Variants in TMPRSS11F observed in about 807,000 individuals in gnomAD.
The protein encoded by TMPRSS11F is transmembrane protease serine 11F.
Under a neutral mutation model 60.2 loss-of-function variants are expected in TMPRSS11F, and 47 were observed. The ratio of observed to expected loss-of-function variants is 0.78; its 90% CI spans 0.62 to 1.00. The LOEUF (loss-of-function observed/expected upper bound fraction) is 1.00, where lower values mean the gene tolerates loss of function less well. Among genes scored for constraint, TMPRSS11F ranks in the 50% least tolerant of loss-of-function variants. The pLI, the probability that TMPRSS11F is intolerant of heterozygous loss-of-function variation, is 0.00. For synonymous variants in TMPRSS11F, 166 were observed against 167.3 expected (o/e 0.99, Z 0.06); for missense variants, 519 against 522.9 (o/e 0.99, Z 0.07).
At chr4:68,062,087 A>G in intron 8 of TMPRSS11F, 1 of 450,952 alleles carries the variant, frequency 2.2e-6, no homozygotes, top group Non-Finnish European at 4.4e-6. Context: ...ATAGGGTTGG[A>G]GGACTACTTT....
chr4:68,104,964 T>C (rs1453940754), intron 1 of TMPRSS11F, among the ~76,000 whole-genome samples: 2 of 151,390 alleles, frequency 1.3e-5, no homozygotes, highest in Non-Finnish European at 2.9e-5. Context: ...TGTAGGTTTT[T>C]TTTTTTTCCT....
At chr4:68,054,588 C>T (rs575096335) in intron 9 of TMPRSS11F, among the ~76,000 whole-genome samples, 1 of 152,138 alleles carries the variant, frequency 6.6e-6, no homozygotes, top group South Asian at 2.1e-4. Context: ...AGTAAATAAA[C>T]AAATAAACAT....
chr4:68,074,868 G>A (rs1360823077), intron 3 of TMPRSS11F, among the ~76,000 whole-genome samples: 1 of 152,128 alleles, frequency 6.6e-6, no homozygotes, highest in Non-Finnish European at 1.5e-5. Flanking sequence ...AGGCCAAGGT[G>A]GATAGATTGC....
chr4:68,089,072 G>C (rs984154829), intron 3 of TMPRSS11F, among the ~76,000 whole-genome samples: 2 of 151,732 alleles, frequency 1.3e-5, no homozygotes, highest in Non-Finnish European at 2.9e-5. Context: ...AACTTACACG[G>C]AACCAAAAAA....
At chr4:68,120,024 CA>C (rs1724594335) in intron 1 of TMPRSS11F, among the ~76,000 whole-genome samples, 1 of 151,984 alleles carries the variant, frequency 6.6e-6, no homozygotes. Context: ...TTGAGGGGTT[CA>C]AAACTTTAGT....
At chr4:68,083,039 C>G (rs1019579058) in intron 3 of TMPRSS11F, among the ~76,000 whole-genome samples, 1 of 152,186 alleles carries the variant, frequency 6.6e-6, no homozygotes, top group Non-Finnish European at 1.5e-5. Context: ...CCACAGCTAT[C>G]TGATGGGCAA....
chr4:68,110,016 T>C (rs2109880049), intron 1 of TMPRSS11F, among the ~76,000 whole-genome samples: 1 of 152,324 alleles, frequency 6.6e-6, no homozygotes, highest in Admixed American at 6.5e-5. Flanking sequence ...AGCAGTAGCC[T>C]TGGGGGGAAA....
rs540825185 is a variant in TMPRSS11F at position 68,090,389 on chromosome 4, A to G, written c.282+134T>C. On this transcript the variant is annotated intron_variant, in intron 3 of 9. Coordinates refer to ENST00000356291, the MANE Select transcript of TMPRSS11F (RefSeq NM_207407.2). ...CATATTAAGTAATTTAATCCTCACA[A>G]CTGTATGACTTACATACTATAGTAT... The G allele has an allele frequency of 2.0e-3, 2,698 of 1,325,788 alleles. 6 individuals are homozygous for G. The highest frequency in any genetic ancestry group is 7.6e-3 in the Middle Eastern group (26 of 3,442). 82.1% of individuals were successfully genotyped at this position (1,325,788 alleles called of 1,614,324 possible).
At chr4:68,077,249 G>C (rs977768576) in intron 3 of TMPRSS11F, 14 of 152,260 alleles carry the variant, frequency 9.2e-5, no homozygotes, top group African/African-American at 3.4e-4. Context: ...CCCAAGTATT[G>C]ATATGAATTT....
intron 7 of TMPRSS11F, among the ~76,000 whole-genome samples, chr4:68,067,297 C>T (rs560354143): frequency 6.6e-6 from 1 of 152,306 alleles, no homozygotes; most frequent in East Asian, 1.9e-4. Flanking sequence ...TCATTCCCAT[C>T]CCTATCACAT....
intron 2 of TMPRSS11F, among the ~76,000 whole-genome samples, chr4:68,092,786 C>A (rs1327833507): frequency 6.6e-6 from 1 of 152,096 alleles, no homozygotes; most frequent in Non-Finnish European, 1.5e-5. Flanking sequence ...TTATCATATA[C>A]ATATCCCTAT....
intron 3 of TMPRSS11F, among the ~76,000 whole-genome samples, chr4:68,079,406 G>C (rs1723649303): frequency 6.6e-6 from 1 of 152,056 alleles, no homozygotes; most frequent in Non-Finnish European, 1.5e-5. Flanking sequence ...AGGTAGGAAG[G>C]TCATGGTGAA....
At chr4:68,109,904 T>C (rs750812552) in intron 1 of TMPRSS11F, among the ~76,000 whole-genome samples, 7 of 152,202 alleles carry the variant, frequency 4.6e-5, no homozygotes, top group Non-Finnish European at 1.0e-4. Context: ...TATTTGATTA[T>C]ACTTGGTACT....
rs1204857625 is a variant in TMPRSS11F, at chr4:68,091,769, CTCTCTCTCTCTCTCTATCTA to C, written c.164-1148_164-1129del. ...CTAATCTCTCTCTCTCTCTCTCTCT[CTCTCTCTCTCTCTCTATCTA>C]TCTATCTATCTTTTTGAGATGGAGT... On this transcript the variant is annotated intron_variant, in intron 2 of 9. Transcript: ENST00000356291. Among the ~76,000 whole-genome samples the C allele has an allele frequency of 3.9e-4, 46 of 118,146 alleles. No individual in the cohort carries two copies. In the East Asian group the frequency reaches 4.6e-3, roughly 12 times the overall value. 77.5% of individuals were successfully genotyped at this position (118,146 alleles called of 152,430 possible).
At chr4:68,086,459 A>G (rs1292079962) in intron 3 of TMPRSS11F, among the ~76,000 whole-genome samples, 1 of 152,190 alleles carries the variant, frequency 6.6e-6, no homozygotes, top group Non-Finnish European at 1.5e-5. Flanking sequence ...CAATGCACAT[A>G]GAGAAACTAG....
chr4:68,053,836 G>T lies in TMPRSS11F; in HGVS notation c.*73C>A. On this transcript the variant is annotated 3_prime_UTR_variant, in exon 10 of 10. Coordinates refer to ENST00000356291, the MANE Select transcript of TMPRSS11F (RefSeq NM_207407.2). ...GCAAAAGCACTAATCCAAAGTAAATGAATTTAAACAATACAAAATACGCAG... is the reference window on the plus strand; with the variant it reads ...GCAAAAGCACTAATCCAAAGTAAATTAATTTAAACAATACAAAATACGCAG... The T allele has an allele frequency of 7.0e-7, 1 of 1,434,014 alleles. No homozygotes were observed. The highest frequency in any genetic ancestry group is 9.5e-7 in the Non-Finnish European group (1 of 1,047,294). The allele number at this position is 1,434,014 out of a possible 1,614,324, so 88.8% of individuals were successfully genotyped here.
intron 3 of TMPRSS11F, among the ~76,000 whole-genome samples, chr4:68,084,599 G>C (rs1723770263): frequency 1.3e-5 from 2 of 152,140 alleles, no homozygotes; most frequent in African/African-American, 4.8e-5. Flanking sequence ...ATCATTTTCA[G>C]ATATGCAAAA....
At chr4:68,108,946 T>TC (rs1724355523) in intron 1 of TMPRSS11F, among the ~76,000 whole-genome samples, 1 of 152,250 alleles carries the variant, frequency 6.6e-6, no homozygotes, top group East Asian at 1.9e-4. Context: ...TCCACTTCAA[T>TC]CACCAATACT....
chr4:68,083,375 C>T (rs560343698), intron 3 of TMPRSS11F, among the ~76,000 whole-genome samples: 6 of 152,270 alleles, frequency 3.9e-5, no homozygotes, highest in South Asian at 2.1e-4. Context: ...CTCTCTTCAA[C>T]GCCACAACCA....
Sources: allele counts gnomAD v4.1 joint callset (sites outside exome capture counted in the v4.1 genomes callset), GRCh38; gene constraint gnomAD v4.1.1; transcripts MANE v1.5; gene names NCBI Gene and HGNC (gene_info 2026-07-23, HGNC 2026-07-21).